SPI1: variants seen among roughly 807,000 people sequenced by gnomAD.
SPI1 encodes the protein transcription factor PU.1.
A neutral mutation model predicts 30.7 loss-of-function variants in SPI1; 3 were observed. The ratio of observed to expected loss-of-function variants is 0.10; its 90% confidence interval spans 0.04 to 0.25. The LOEUF (loss-of-function observed/expected upper bound fraction) is 0.25. SPI1 is among the 10% of genes least tolerant of loss of function. The pLI is 1.00. For synonymous variants in SPI1, 169 were observed against 157.1 expected (o/e 1.08, Z -0.56); for missense variants, 261 against 371.5 (o/e 0.70, Z 2.45).
rs2095918606 is a variant in SPI1, at chr11:47,360,149, T to C, written c.143-109A>G. ...CCAGGCCATATGGGGCCTAACCATCTCGTTTAACCCTCGCCACCTGCATGG... is the reference window on the plus strand; with the variant it reads ...CCAGGCCATATGGGGCCTAACCATCCCGTTTAACCCTCGCCACCTGCATGG... On this transcript the variant is annotated intron_variant, in intron 2 of 4. Coordinates refer to ENST00000378538, the MANE Select transcript of SPI1 (RefSeq NM_003120.3). The C allele has an allele frequency of 1.2e-5, 12 of 987,908 alleles. No homozygotes were observed. The South Asian group carries it at 2.1e-4, about 17-fold the overall frequency. The allele number at this position is 987,908 out of a possible 1,614,324, so 61.2% of individuals were successfully genotyped here. A position where few individuals can be genotyped will look rare whatever the true frequency, so the allele number is the denominator to read the frequency against.
intron 4 of SPI1, among the ~76,000 whole-genome samples, chr11:47,356,822 A>G (rs557374697): frequency 4.3e-4 from 63 of 146,224 alleles, no homozygotes; most frequent in African/African-American, 1.5e-3. Flanking sequence ...GCTTACACAC[A>G]TCTCACGTTA....
intron 2 of SPI1, among the ~76,000 whole-genome samples, chr11:47,373,424 G>T (rs561911215): frequency 2.0e-5 from 3 of 152,076 alleles, no homozygotes; most frequent in South Asian, 2.1e-4. Flanking sequence ...GAGGCAAGTG[G>T]ATCACTTGAG....
chr11:47,371,005 A>G (rs967131904), intron 2 of SPI1, among the ~76,000 whole-genome samples: 5 of 152,294 alleles, frequency 3.3e-5, no homozygotes, highest in Middle Eastern at 3.4e-3. Context: ...ATATTTGCCA[A>G]TAAATAATGC....
chr11:47,374,017 G>A lies in SPI1; in HGVS notation c.142+1616C>T, dbSNP rs1377911202. Among the ~76,000 whole-genome samples the A allele has an allele frequency of 6.6e-6, 1 of 152,246 alleles. No individual in the cohort carries two copies. Among genetic ancestry groups the A allele is most frequent in the Non-Finnish European group, 1.5e-5 (1 of 68,042 alleles). On this transcript the variant is annotated intron_variant, in intron 2 of 4. Transcript: ENST00000378538. The surrounding 1 kb of genome is among the most constrained non-coding windows in gnomAD (Gnocchi z 4.5). ...GCACCCAAGCCCAGTGAACTGAAGA[G>A]GGATTGGGCCAGGGAGAATGCGTCC...
chr11:47,375,551 A>T lies in SPI1; in HGVS notation c.142+82T>A. The stretch of plus-strand genomic sequence containing the variant: ...TCAGAATTCCAAAGAAGTCCTGGGA[A>T]TCATTTATTCTTTTTCTCTCTCCAG... On this transcript the variant is annotated intron_variant, in intron 2 of 4. Coordinates refer to ENST00000378538, the MANE Select transcript of SPI1 (RefSeq NM_003120.3). This position sits in a 1 kb window ranked among gnomAD's most constrained non-coding sequence, Gnocchi z 4.2. The T allele has an allele frequency of 9.4e-7, 1 of 1,068,192 alleles. No homozygotes were observed. The highest frequency in any genetic ancestry group is 1.4e-6 in the Non-Finnish European group (1 of 696,748). 66.2% of individuals were successfully genotyped at this position (1,068,192 alleles called of 1,614,324 possible).
chr11:47,358,664 A>C (rs368344899), intron 4 of SPI1, 180 bp downstream of exon 4: 59 of 723,222 alleles, frequency 8.2e-5, no homozygotes, highest in East Asian at 6.4e-4. Flanking sequence ...ACTACACAGC[A>C]GATACACACA....
Position 47,355,555 on chromosome 11 carries a change from G to C in SPI1, c.494-9C>G, listed in dbSNP as rs2095906802. ...GATCTTCTTCTTGCTGCCTGCGGGG[G>C]GGAGGGCCCGGTGGGAGGGGGCCCG... On this transcript the variant is annotated splice_polypyrimidine_tract_variant and intron_variant, in intron 4 of 4. Coordinates refer to ENST00000378538, the MANE Select transcript of SPI1 (RefSeq NM_003120.3). 2 of 1,560,504 alleles carry C rather than the reference G, an allele frequency of 1.3e-6. No homozygotes were observed. The highest frequency in any genetic ancestry group is 1.4e-5 in the African/African-American group (1 of 72,484).
chr11:47,373,749 C>A (rs1439911188), intron 2 of SPI1, among the ~76,000 whole-genome samples: 1 of 152,082 alleles, frequency 6.6e-6, no homozygotes, highest in Non-Finnish European at 1.5e-5. Context: ...CTGGTGGAGT[C>A]TCTGGAGGAA....
chr11:47,375,829 C>G lies in SPI1; in HGVS notation c.46-100G>C. 1.1e-6 allele frequency: 1 copy of G among 946,980 alleles called. No individual in the cohort carries two copies. The highest frequency in any genetic ancestry group is 1.7e-6 in the Non-Finnish European group (1 of 579,182). 58.7% of individuals were successfully genotyped at this position (946,980 alleles called of 1,614,324 possible). ...TGGGTCCCCATCACCTTCCCTGGCTCAGTGGCTGCGTTGGACCTACAGCCC... is the reference window on the plus strand; with the variant it reads ...TGGGTCCCCATCACCTTCCCTGGCTGAGTGGCTGCGTTGGACCTACAGCCC... On this transcript the variant is annotated intron_variant, in intron 1 of 4. Coordinates refer to ENST00000378538, the MANE Select transcript of SPI1 (RefSeq NM_003120.3). The surrounding 1 kb of genome is among the most constrained non-coding windows in gnomAD (Gnocchi z 4.2).
intron 2 of SPI1, among the ~76,000 whole-genome samples, chr11:47,367,106 G>A (rs1204703062): frequency 4.6e-5 from 7 of 152,162 alleles, no homozygotes; most frequent in African/African-American, 1.7e-4. Flanking sequence ...TGGAAAGGTG[G>A]CTAAGTGGAT....
At chr11:47,357,445 AC>A (rs1224337400) in intron 4 of SPI1, among the ~76,000 whole-genome samples, 17 of 148,858 alleles carry the variant, frequency 1.1e-4, no homozygotes, top group African/African-American at 4.1e-4. Context: ...CTGTTCACAC[AC>A]AACCACTCAG....
rs756322002 is a variant in SPI1 at position 47,355,554 on chromosome 11, G to A, written c.494-8C>T. 2.6e-6 allele frequency: 4 copies of A among 1,563,416 alleles called. No individual in the cohort carries two copies. The highest frequency in any genetic ancestry group is 4.8e-5 in the East Asian group (2 of 41,918). On this transcript the variant is annotated splice_region_variant and splice_polypyrimidine_tract_variant and intron_variant, in intron 4 of 4. Coordinates refer to ENST00000378538, the MANE Select transcript of SPI1 (RefSeq NM_003120.3). ...GGATCTTCTTCTTGCTGCCTGCGGG[G>A]GGGAGGGCCCGGTGGGAGGGGGCCC...
chr11:47,355,662 G>A (rs1221959055), intron 4 of SPI1, 116 bp from the exon 5 acceptor site: 7 of 859,312 alleles, frequency 8.1e-6, no homozygotes, highest in South Asian at 7.2e-5. Flanking sequence ...GCAGGGGAAC[G>A]GCTGCCCCAG....
At chr11:47,362,100 G>T (rs148993121) in intron 2 of SPI1, among the ~76,000 whole-genome samples, 3 of 152,192 alleles carry the variant, frequency 2.0e-5, no homozygotes, top group African/African-American at 7.2e-5. Flanking sequence ...CTCCAAGCCT[G>T]TGTCCTCATC....
At chr11:47,358,575 A>T (rs1273479415) in intron 4 of SPI1, 3 of 701,382 alleles carry the variant, frequency 4.3e-6, no homozygotes, top group Admixed American at 4.0e-5. Context: ...ACACTTGCTC[A>T]CACACACCCA....
chr11:47,371,815 C>A lies in SPI1; in HGVS notation c.142+3818G>T, dbSNP rs193236190. 1.8e-3 allele frequency among the ~76,000 whole-genome samples: 267 copies of A among 152,344 alleles called. 4 individuals carry two copies. The highest frequency in any genetic ancestry group is 1.1e-3 in the Non-Finnish European group (72 of 68,038). ...GTGTATGATAAAATCCAAATGCCTG[C>A]CATGGCCTTCGCCCTGCGTGAGCAG... On this transcript the variant is annotated intron_variant, in intron 2 of 4. Coordinates refer to ENST00000378538, the MANE Select transcript of SPI1 (RefSeq NM_003120.3).
At chr11:47,367,748 A>AT (rs1173025260) in intron 2 of SPI1, among the ~76,000 whole-genome samples, 1,227 of 64,794 alleles carry the variant, frequency 0.019, 121 homozygotes, top group Middle Eastern at 0.026. Context: ...TGATGGTTAA[A>AT]TTTTTTTTTT....
intron 4 of SPI1, among the ~76,000 whole-genome samples, chr11:47,355,804 C>A (rs1194006807): frequency 6.7e-6 from 1 of 148,444 alleles, no homozygotes; most frequent in African/African-American, 2.6e-5. Flanking sequence ...CTCGCACCCA[C>A]ACAGTGCACC....
intron 1 of SPI1, among the ~76,000 whole-genome samples, chr11:47,376,557 A>T (rs2095942570): frequency 6.7e-6 from 1 of 149,450 alleles, no homozygotes; most frequent in Admixed American, 6.6e-5. Flanking sequence ...TCCTCACTGC[A>T]TCCCCCTCCC....
Sources: gnomAD v4.1 joint callset for allele counts (sites outside exome capture counted in the v4.1 genomes callset) on GRCh38, gnomAD v4.1.1 for gene constraint, Gnocchi (gnomAD v3.1) non-coding constraint, MANE v1.5 for transcripts, NCBI Gene and HGNC (gene_info 2026-07-23, HGNC 2026-07-21) for gene names.